Variants in CYYR1 observed in about 807,000 individuals in gnomAD.
CYYR1 encodes the protein cysteine and tyrosine rich 1.
Under a neutral mutation model 15.2 loss-of-function variants are expected in CYYR1, and 14 were observed. The ratio of observed to expected loss-of-function variants is 0.92; its 90% CI spans 0.61 to 1.44. The LOEUF (loss-of-function observed/expected upper bound fraction) is 1.44. CYYR1 is among the 40% of genes most tolerant of loss of function. The pLI, the probability that CYYR1 is intolerant of heterozygous loss-of-function variation, is 0.00. For missense variants in CYYR1, 228 were observed against 209.5 expected (o/e 1.09, Z -0.54); for synonymous variants, 80 against 77.4 (o/e 1.03, Z -0.18).
At chr21:26,478,519 A>G (rs2065131434) in intron 3 of CYYR1, among the ~76,000 whole-genome samples, 2 of 152,166 alleles carry the variant, frequency 1.3e-5, no homozygotes, top group South Asian at 4.1e-4. Context: ...AGTACCTTGA[A>G]GGCCTCAGTA....
intron 2 of CYYR1, among the ~76,000 whole-genome samples, chr21:26,543,038 T>G (rs1254438950): frequency 6.6e-6 from 1 of 152,200 alleles, no homozygotes; most frequent in East Asian, 1.9e-4. Flanking sequence ...AAGATTCAAG[T>G]TAAAGTCTTT....
chr21:26,482,327 C>A (rs2065192700), intron 2 of CYYR1: 1 of 985,018 alleles, frequency 1.0e-6, no homozygotes, highest in Non-Finnish European at 1.2e-6. Context: ...GATATCTGCT[C>A]CTTGCAAAAA....
chr21:26,572,734 G>T, intron 1 of CYYR1, 134 bp downstream of exon 1: 1 of 1,116,764 alleles, frequency 9.0e-7, no homozygotes, highest in Non-Finnish European at 1.2e-6. Context: ...GTCGCCTCGC[G>T]GAAAAGGCAG....
chr21:26,564,838 G>T, intron 2 of CYYR1: 1 of 1,206,024 alleles, frequency 8.3e-7, no homozygotes, highest in Non-Finnish European at 1.1e-6. Context: ...GGTATGTGGA[G>T]ACAGTTTGAG....
chr21:26,486,358 C>G (rs2123423246), intron 2 of CYYR1, among the ~76,000 whole-genome samples: 1 of 152,086 alleles, frequency 6.6e-6, no homozygotes, highest in Non-Finnish European at 1.5e-5. Context: ...GTCCTGAAGA[C>G]TTTCTCCTAT....
intron 2 of CYYR1, among the ~76,000 whole-genome samples, chr21:26,510,806 T>C (rs926788690): frequency 6.6e-6 from 1 of 152,230 alleles, no homozygotes; most frequent in Non-Finnish European, 1.5e-5. Flanking sequence ...TTGAGGATGG[T>C]AAAATATTAG....
At chr21:26,544,016 A>G (rs1978772139) in intron 2 of CYYR1, among the ~76,000 whole-genome samples, 1 of 152,206 alleles carries the variant, frequency 6.6e-6, no homozygotes, top group Non-Finnish European at 1.5e-5. Flanking sequence ...GCTCTATTAA[A>G]TTTATATCAA....
At chr21:26,541,252 G>C (rs901179214) in intron 2 of CYYR1, among the ~76,000 whole-genome samples, 2 of 151,992 alleles carry the variant, frequency 1.3e-5, no homozygotes, top group Non-Finnish European at 2.9e-5. Context: ...CCATTTTACA[G>C]ACTCAAAAAC....
chr21:26,540,807 T>A (rs1569166790), intron 2 of CYYR1, among the ~76,000 whole-genome samples: 1 of 152,170 alleles, frequency 6.6e-6, no homozygotes, highest in Non-Finnish European at 1.5e-5. Flanking sequence ...TTAAATAAAC[T>A]GATCCTGAAA....
chr21:26,559,517 T>G (rs1190008350), intron 2 of CYYR1, among the ~76,000 whole-genome samples: 1 of 152,154 alleles, frequency 6.6e-6, no homozygotes, highest in Non-Finnish European at 1.5e-5. Context: ...TTTTTAATCT[T>G]TTATTTTAGA....
At chr21:26,557,025 C>T (rs538071860) in intron 2 of CYYR1, among the ~76,000 whole-genome samples, 12 of 152,206 alleles carry the variant, frequency 7.9e-5, no homozygotes, top group Admixed American at 7.9e-4. Flanking sequence ...CAGAAACAGG[C>T]CAAGTATGTC....
intron 3 of CYYR1, among the ~76,000 whole-genome samples, chr21:26,473,381 A>C (rs17002195): frequency 0.034 from 5,125 of 152,168 alleles, 251 homozygotes; most frequent in African/African-American, 0.11. Context: ...TTTATCCTCT[A>C]CAATGGCCTA....
intron 2 of CYYR1, among the ~76,000 whole-genome samples, chr21:26,522,200 T>C (rs988808903): frequency 6.6e-6 from 1 of 152,174 alleles, no homozygotes. Flanking sequence ...TAGAGAAGAT[T>C]TACCATATAT....
chr21:26,534,790 A>T (rs1426325711), intron 2 of CYYR1, among the ~76,000 whole-genome samples: 1 of 152,156 alleles, frequency 6.6e-6, no homozygotes, highest in African/African-American at 2.4e-5. Context: ...GCACTGTTAT[A>T]AAAGATGCAT....
At chr21:26,482,373 T>A in intron 2 of CYYR1, 1 of 985,388 alleles carries the variant, frequency 1.0e-6, no homozygotes, top group Non-Finnish European at 1.2e-6. Context: ...CAGTAGCTTT[T>A]TCATACTCAA....
At chr21:26,487,310 C>T (rs938228642) in intron 2 of CYYR1, among the ~76,000 whole-genome samples, 1 of 151,976 alleles carries the variant, frequency 6.6e-6, no homozygotes, top group Non-Finnish European at 1.5e-5. Flanking sequence ...ATAAGTGAAG[C>T]TAAAGCATTT....
intron 2 of CYYR1, among the ~76,000 whole-genome samples, chr21:26,560,807 A>G (rs1034816192): frequency 6.6e-6 from 1 of 152,192 alleles, no homozygotes; most frequent in African/African-American, 2.4e-5. Context: ...TATGCTCCTC[A>G]GTAGCTTCTA....
chr21:26,517,071 C>T (rs1002294697), intron 2 of CYYR1, among the ~76,000 whole-genome samples: 2 of 127,498 alleles, frequency 1.6e-5, no homozygotes, highest in Non-Finnish European at 3.1e-5. Flanking sequence ...GCCGAGATCG[C>T]GCCACTGCAC....
In CYYR1 at chr21:26,467,592, G is replaced by C. The variant is rs886544442; in HGVS notation, c.*909C>G. 1.3e-5 allele frequency: 2 copies of C among 152,074 alleles called. No homozygotes were observed. Among genetic ancestry groups the C allele is most frequent in the African/African-American group, 4.8e-5 (2 of 41,406 alleles). 9.4% of individuals were successfully genotyped at this position (152,074 alleles called of 1,614,324 possible). A position where few individuals can be genotyped will look rare whatever the true frequency, so the allele number is the denominator to read the frequency against. On this transcript the variant is annotated 3_prime_UTR_variant, in exon 4 of 4. Transcript: ENST00000652641. ...TTCTCATCTTTTACTTGGAAGTGAA[G>C]TGTCTGCTACCTGTGGAACTTGATA...
Sources: gnomAD v4.1 joint callset for allele counts (sites outside exome capture counted in the v4.1 genomes callset) on GRCh38, gnomAD v4.1.1 for gene constraint, MANE v1.5 for transcripts, NCBI Gene and HGNC (gene_info 2026-07-23, HGNC 2026-07-21) for gene names.